PEAK1: variants seen among roughly 807,000 people sequenced by gnomAD.
PEAK1 encodes the protein pseudopodium enriched atypical kinase 1, also known as inactive tyrosine-protein kinase PEAK1.
In PEAK1, 54 loss-of-function variants were observed where a neutral mutation model predicts 124.7. The ratio of observed to expected loss-of-function variants is 0.43; its 90% CI spans 0.35 to 0.54. The LOEUF (loss-of-function observed/expected upper bound fraction) is 0.54. Among genes scored for constraint, PEAK1 ranks in the 20% least tolerant of loss-of-function variants. The pLI is 0.01. For missense variants in PEAK1, 2,046 were observed against 2,134.5 expected (o/e 0.96, Z 0.82); for synonymous variants, 719 against 760.0 (o/e 0.95, Z 0.89).
rs143460911 is a variant in PEAK1, at chr15:77,412,785, A to G, written c.-666+7221T>C. Among the ~76,000 whole-genome samples, 626 of 151,252 alleles carry G rather than the reference A, an allele frequency of 4.1e-3. 1 individual carries two copies. The highest frequency in any genetic ancestry group is 0.014 in the African/African-American group (580 of 41,276). On this transcript the variant is annotated intron_variant, in intron 1 of 9. Coordinates refer to ENST00000682557, the MANE Select transcript of PEAK1 (RefSeq NM_001385026.1). ...TAATTGATTCTAGGGCTGAGGTAGGAAAAAAAAACAAGATGAACCTGAAGC... is the reference window on the plus strand; with the variant it reads ...TAATTGATTCTAGGGCTGAGGTAGGGAAAAAAAACAAGATGAACCTGAAGC...
intron 2 of PEAK1, among the ~76,000 whole-genome samples, chr15:77,300,272 A>G (rs2063718821): frequency 6.6e-6 from 1 of 152,350 alleles, no homozygotes; most frequent in Non-Finnish European, 1.5e-5. Context: ...TGTTTTCCCA[A>G]TGGTCTCATC....
At chr15:77,330,163 A>C (rs1490181021) in intron 2 of PEAK1, among the ~76,000 whole-genome samples, 5 of 152,314 alleles carry the variant, frequency 3.3e-5, no homozygotes, top group South Asian at 2.1e-4. Flanking sequence ...AAGAAACACA[A>C]ATCACTAGCA....
intron 8 of PEAK1, among the ~76,000 whole-genome samples, chr15:77,151,770 C>A (rs1378337022): frequency 6.6e-6 from 1 of 152,174 alleles, no homozygotes; most frequent in African/African-American, 2.4e-5. Flanking sequence ...AATAGGGAAT[C>A]CTTTCACCAT....
At chr15:77,201,182 G>C (rs1176753801) in intron 6 of PEAK1, among the ~76,000 whole-genome samples, 1 of 146,206 alleles carries the variant, frequency 6.8e-6, no homozygotes, top group Non-Finnish European at 1.5e-5. Context: ...CCAACTTTAA[G>C]ACATATATCA....
At chr15:77,417,459 C>CT in intron 1 of PEAK1, 1 of 377,660 alleles carries the variant, frequency 2.6e-6, no homozygotes, top group South Asian at 1.4e-4. Flanking sequence ...GGATGCGGGG[C>CT]GGGGGGGGAG....
At chr15:77,170,848 G>A (rs2056453881) in intron 7 of PEAK1, among the ~76,000 whole-genome samples, 1 of 152,124 alleles carries the variant, frequency 6.6e-6, no homozygotes, top group South Asian at 2.1e-4. Context: ...TCTTCCCACT[G>A]TGCAGTATTA....
intron 1 of PEAK1, among the ~76,000 whole-genome samples, chr15:77,387,260 T>C (rs2070032809): frequency 1.3e-5 from 2 of 152,206 alleles, no homozygotes; most frequent in Admixed American, 1.3e-4. Context: ...CAATAGACTT[T>C]TAAAATGGTA....
chr15:77,152,891 C>T (rs1202524933), intron 8 of PEAK1, among the ~76,000 whole-genome samples: 1 of 152,034 alleles, frequency 6.6e-6, no homozygotes, highest in Non-Finnish European at 1.5e-5. Flanking sequence ...TTCGGTTTGC[C>T]AGTATTTTAT....
intron 1 of PEAK1, among the ~76,000 whole-genome samples, chr15:77,396,800 G>A (rs752945652): frequency 9.9e-5 from 15 of 152,106 alleles, no homozygotes; most frequent in Admixed American, 5.2e-4. Context: ...AAGAGCAAGC[G>A]AGCAAGCAAG....
intron 2 of PEAK1, among the ~76,000 whole-genome samples, chr15:77,293,149 T>TC (rs370594924): frequency 6.6e-6 from 1 of 152,218 alleles, no homozygotes; most frequent in African/African-American, 2.4e-5. Context: ...TAAACTTATC[T>TC]CCCCCTGCCT....
chr15:77,309,980 T>C (rs542486668), intron 2 of PEAK1, among the ~76,000 whole-genome samples: 1 of 152,338 alleles, frequency 6.6e-6, no homozygotes, highest in East Asian at 1.9e-4. Flanking sequence ...TGTCTTCTCA[T>C]ACCTGAGTTG....
chr15:77,301,363 C>A (rs2063777068), intron 2 of PEAK1, among the ~76,000 whole-genome samples: 1 of 152,094 alleles, frequency 6.6e-6, no homozygotes, highest in African/African-American at 2.4e-5. Context: ...CCAGGATGAT[C>A]ATCATATCAA....
intron 6 of PEAK1, among the ~76,000 whole-genome samples, chr15:77,246,197 C>A (rs942209901): frequency 2.6e-5 from 4 of 152,042 alleles, no homozygotes; most frequent in African/African-American, 9.7e-5. Context: ...TTAGTAGAGA[C>A]AAGGTTTCAT....
At chr15:77,411,625 A>G (rs556781608) in intron 1 of PEAK1, among the ~76,000 whole-genome samples, 2 of 151,726 alleles carry the variant, frequency 1.3e-5, no homozygotes, top group Non-Finnish European at 2.9e-5. Flanking sequence ...CTTTTTTTTT[A>G]AATACAGTCT....
chr15:77,118,130 TAGAC>T (rs2051562833), intron 9 of PEAK1, among the ~76,000 whole-genome samples: 1 of 152,152 alleles, frequency 6.6e-6, no homozygotes, highest in African/African-American at 2.4e-5. Flanking sequence ...TTATAATACA[TAGAC>T]AGGTTGAAGA....
At chr15:77,138,089 G>A (rs1020166103) in intron 8 of PEAK1, among the ~76,000 whole-genome samples, 10 of 152,120 alleles carry the variant, frequency 6.6e-5, no homozygotes, top group African/African-American at 2.2e-4. Context: ...CCATGATTGT[G>A]AGGCCTCCCC....
intron 8 of PEAK1, among the ~76,000 whole-genome samples, chr15:77,134,684 G>A (rs2053165642): frequency 6.6e-6 from 1 of 152,126 alleles, no homozygotes. Context: ...AAATATACAT[G>A]AAACTTCTAT....
At chr15:77,325,715 C>T (rs1037254135) in intron 2 of PEAK1, among the ~76,000 whole-genome samples, 16 of 152,196 alleles carry the variant, frequency 1.1e-4, no homozygotes, top group African/African-American at 3.9e-4. Flanking sequence ...AATATACAAA[C>T]CAAATTTCTC....
At chr15:77,202,713 G>A (rs2058428316) in intron 6 of PEAK1, among the ~76,000 whole-genome samples, 1 of 151,468 alleles carries the variant, frequency 6.6e-6, no homozygotes, top group Non-Finnish European at 1.5e-5. Context: ...AGCTTGCAGT[G>A]AGCCGAGATC....
Sources: gnomAD v4.1 joint callset for allele counts (sites outside exome capture counted in the v4.1 genomes callset) on GRCh38, gnomAD v4.1.1 for gene constraint, MANE v1.5 for transcripts, NCBI Gene and HGNC (gene_info 2026-07-23, HGNC 2026-07-21) for gene names.